DELE1: variants seen among roughly 807,000 people sequenced by gnomAD.
The protein encoded by DELE1 is death ligand signal enhancer.
In DELE1, 54 loss-of-function variants were observed where a neutral mutation model predicts 59.3. The observed-to-expected ratio is 0.91, with a 90% confidence interval of 0.73 to 1.14. The LOEUF is 1.14. Among genes scored for constraint, DELE1 ranks in the 50% most tolerant of loss-of-function variants. The probability of loss-of-function intolerance (pLI) is 0.00; values close to 1 mark genes in which losing one functional copy is unlikely to be tolerated. For missense variants in DELE1, 636 were observed against 643.9 expected (o/e 0.99, Z 0.13); for synonymous variants, 264 against 259.1 (o/e 1.02, Z -0.18).
chr5:141,933,195 C>G (rs1186737881), intron 7 of DELE1, 64 bp from the exon 8 acceptor site: 1 of 1,362,652 alleles, frequency 7.3e-7, no homozygotes, highest in African/African-American at 1.5e-5. Context: ...TCTGTAGGTA[C>G]CTGGCTGAGG....
At chr5:141,925,082 C>T (rs567022460) in intron 2 of DELE1, among the ~76,000 whole-genome samples, 1 of 151,468 alleles carries the variant, frequency 6.6e-6, no homozygotes, top group South Asian at 2.1e-4. Context: ...CATGCACCAT[C>T]ACGCCTGGCT....
rs150776952 is a variant in DELE1 at position 141,938,958 on chromosome 5, G to T, written c.*199G>T. On this transcript the variant is annotated 3_prime_UTR_variant, in exon 12 of 12. Coordinates refer to ENST00000432126, the MANE Select transcript of DELE1 (RefSeq NM_014773.5). The stretch of plus-strand genomic sequence containing the variant: ...GTAGCCTCACAGATGAGTCTTGGAT[G>T]CATTCACAGTCATTTCTGGTCTGTG... The T allele has an allele frequency of 1.0e-4, 142 of 1,409,950 alleles. No homozygotes were observed. The African/African-American group carries it at 1.8e-3, about 18-fold the overall frequency. 87.3% of individuals were successfully genotyped at this position (1,409,950 alleles called of 1,614,324 possible).
chr5:141,931,445 AG>A (rs1233925228), intron 7 of DELE1, among the ~76,000 whole-genome samples: 1 of 152,196 alleles, frequency 6.6e-6, no homozygotes, highest in Admixed American at 6.5e-5. Flanking sequence ...GGAGCAGGAA[AG>A]GGGGCAGCCA....
intron 10 of DELE1, 169 bp from the exon 11 acceptor site, chr5:141,937,029 T>G: frequency 6.7e-7 from 1 of 1,491,472 alleles, no homozygotes; most frequent in South Asian, 1.4e-5. Flanking sequence ...GCTCTGAGCC[T>G]CTGGCATTTC....
chr5:141,932,290 G>A (rs1751973538), intron 7 of DELE1, among the ~76,000 whole-genome samples: 1 of 152,212 alleles, frequency 6.6e-6, no homozygotes, highest in Non-Finnish European at 1.5e-5. Context: ...GCAATGAAAA[G>A]AGCATGGACT....
At position 141,938,694 on chromosome 5, in the gene DELE1, A is replaced by T; in HGVS notation, c.1483A>T (p.Ser495Cys). The T allele has an allele frequency of 6.2e-7, 1 of 1,614,178 alleles. No homozygotes were observed. The highest frequency in any genetic ancestry group is 8.5e-7 in the Non-Finnish European group (1 of 1,180,034). ...TCTCGGAGCCAGCCTGGAAGCCTCCAGCAGGGCTATTCCCCCACACCCCTA... is the reference window on the plus strand; with the variant it reads ...TCTCGGAGCCAGCCTGGAAGCCTCCTGCAGGGCTATTCCCCCACACCCCTA... ...GHLGASLEAS[S>C]RAIPPHPYPL... The change falls in exon 12 of 12, where the codon AGC becomes TGC. Residue 495 changes from serine to cysteine, a missense_variant. Ser to Cys is a moderately radical substitution (Grantham distance 112). Transcript: ENST00000432126.
chr5:141,931,997 T>A (rs1393099087), intron 7 of DELE1, among the ~76,000 whole-genome samples: 4 of 152,256 alleles, frequency 2.6e-5, no homozygotes, highest in Non-Finnish European at 5.9e-5. Flanking sequence ...TTCTTCTACA[T>A]TCTTTTTCTG....
intron 11 of DELE1, 150 bp from the exon 12 acceptor site, chr5:141,938,371 A>G (rs116834625): frequency 0.021 from 25,492 of 1,217,644 alleles, 339 homozygotes; most frequent in Middle Eastern, 0.037. Flanking sequence ...TTACCCTTCT[A>G]GGGCTCTAAG....
At position 141,939,334 on chromosome 5, in the gene DELE1, C is replaced by T. The variant is rs559162396; in HGVS notation, c.*575C>T. The T allele has an allele frequency of 1.6e-4, 139 of 846,814 alleles. No homozygotes were observed. Among genetic ancestry groups the T allele is most frequent in the Non-Finnish European group, 1.9e-4 (131 of 703,836 alleles). 52.5% of individuals were successfully genotyped at this position (846,814 alleles called of 1,614,324 possible). On this transcript the variant is annotated 3_prime_UTR_variant, in exon 12 of 12. Transcript: ENST00000432126. ...TGAATCAGTTTAAAGAAAAACATAA[C>T]GTAAAAGTGGGCACAGATCCAGAGA...
At position 141,941,956 on chromosome 5, in the gene DELE1, TACACACGC is replaced by T. The variant is rs1038805021; in HGVS notation, c.*3212_*3219del. 55 of 984,754 alleles carry T rather than the reference TACACACGC, an allele frequency of 5.6e-5. No homozygotes were observed. Among genetic ancestry groups the T allele is most frequent in the Non-Finnish European group, 5.8e-5 (48 of 829,880 alleles). The allele number at this position is 984,754 out of a possible 1,614,324, so 61.0% of individuals were successfully genotyped here. A position where few individuals can be genotyped will look rare whatever the true frequency, so the allele number is the denominator to read the frequency against. On this transcript the variant is annotated 3_prime_UTR_variant, in exon 12 of 12. Transcript: ENST00000432126. The stretch of plus-strand genomic sequence containing the variant: ...TGTATTGCCCCCCACTCGCCGCCTA[TACACACGC>T]ACACACGCACACACACACACACGGT...
intron 7 of DELE1, 118 bp from the exon 8 acceptor site, chr5:141,933,141 G>C (rs1391791430): frequency 3.6e-6 from 1 of 278,384 alleles, no homozygotes; most frequent in East Asian, 7.3e-5. Flanking sequence ...TATATGTAAA[G>C]TGTCTGGCAC....
chr5:141,934,693 G>C, intron 10 of DELE1, 107 bp downstream of exon 10: 1 of 1,101,938 alleles, frequency 9.1e-7, no homozygotes, highest in South Asian at 1.3e-5. Context: ...TTGGATAGGA[G>C]CCTTGGCCTG....
chr5:141,930,228 T>G lies in DELE1; in HGVS notation c.708T>G (p.Ile236Met). 1 of 1,614,008 alleles carries G rather than the reference T, an allele frequency of 6.2e-7. No homozygotes were observed. Among genetic ancestry groups the G allele is most frequent in the Non-Finnish European group, 8.5e-7 (1 of 1,179,864 alleles). The change falls in exon 7 of 12, where the codon ATT (isoleucine) becomes ATG (methionine). Residue 236 changes from isoleucine to methionine, a missense_variant. Physicochemically the swap from Ile to Met is conservative, Grantham distance 10 (BLOSUM62 1). Coordinates refer to ENST00000432126, the MANE Select transcript of DELE1 (RefSeq NM_014773.5). ...CCCTTGAGGAGGCTGTGACTTCCAT[T>G]CAGCAGCTCTTCCAGCTCAGTGTTT... ...TLSLEEAVTS[I>M]QQLFQLSVSI...
rs1339005212 is a variant in DELE1 at position 141,941,364 on chromosome 5, C to A, written c.*2605C>A. The stretch of plus-strand genomic sequence containing the variant: ...AGCTCTCCAATTTAAAAAGGAAGGG[C>A]CTCTCCTGTGGAAAGGGAAGGATGG... On this transcript the variant is annotated 3_prime_UTR_variant, in exon 12 of 12. Coordinates refer to ENST00000432126, the MANE Select transcript of DELE1 (RefSeq NM_014773.5). 2 of 985,554 alleles carry A rather than the reference C, an allele frequency of 2.0e-6. No homozygotes were observed. The highest frequency in any genetic ancestry group is 2.4e-6 in the Non-Finnish European group (2 of 830,194). 61.1% of individuals were successfully genotyped at this position (985,554 alleles called of 1,614,324 possible). A position where few individuals can be genotyped will look rare whatever the true frequency, so the allele number is the denominator to read the frequency against.
rs534394629 is a variant in DELE1 at position 141,934,538 on chromosome 5, G to C, written c.1101G>C (p.Leu367=). 1 of 1,614,268 alleles carries C rather than the reference G, an allele frequency of 6.2e-7. No individual in the cohort carries two copies. Among genetic ancestry groups the C allele is most frequent in the South Asian group, 1.1e-5 (1 of 91,090 alleles). ...LGVLFTKEPY[L]DEQRAVKYLW... ...TGCTTTTCACCAAGGAGCCCTACCT[G>C]GATGAGCAGAGAGCTGTGAAATATC... Residue 367 remains leucine, a synonymous_variant, in exon 10 of 12, where the codon CTG becomes CTC. Coordinates refer to ENST00000432126, the MANE Select transcript of DELE1 (RefSeq NM_014773.5).
Position 141,941,218 on chromosome 5 carries a change from G to T in DELE1, c.*2459G>T, listed in dbSNP as rs1017882667. ...GGCTGGTTCACAGTCTGGCCACTGG[G>T]CGTCCTGTGGTGAAGGCCAGATGCA... is the stretch of plus-strand genomic sequence containing the variant. On this transcript the variant is annotated 3_prime_UTR_variant, in exon 12 of 12. Transcript: ENST00000432126. 2 of 985,376 alleles carry T rather than the reference G, an allele frequency of 2.0e-6. No individual in the cohort carries two copies. The highest frequency in any genetic ancestry group is 3.5e-5 in the African/African-American group (2 of 57,256). 61.0% of individuals were successfully genotyped at this position (985,376 alleles called of 1,614,324 possible). A position where few individuals can be genotyped will look rare whatever the true frequency, so the allele number is the denominator to read the frequency against.
At chr5:141,925,797 T>C (rs1751356138) in intron 3 of DELE1, among the ~76,000 whole-genome samples, 2 of 152,214 alleles carry the variant, frequency 1.3e-5, no homozygotes, top group Non-Finnish European at 2.9e-5. Flanking sequence ...GAGAACAAGA[T>C]AGATACATTC....
At chr5:141,936,396 A>T (rs1752355165) in intron 10 of DELE1, among the ~76,000 whole-genome samples, 1 of 152,118 alleles carries the variant, frequency 6.6e-6, no homozygotes, top group South Asian at 2.1e-4. Context: ...ACAATCGAGG[A>T]TCCAGAGCTG....
chr5:141,937,403 T>C, intron 11 of DELE1, 46 bp downstream of exon 11: 1 of 1,596,702 alleles, frequency 6.3e-7, no homozygotes, highest in Non-Finnish European at 8.6e-7. Context: ...CTGAGCTCAG[T>C]ACTCTGTGAC....
Sources: allele counts gnomAD v4.1 joint callset (sites outside exome capture counted in the v4.1 genomes callset), GRCh38; gene constraint gnomAD v4.1.1; transcripts MANE v1.5; gene names NCBI Gene and HGNC (gene_info 2026-07-23, HGNC 2026-07-21).